MED12L: variants seen among roughly 807,000 people sequenced by gnomAD.
MED12L encodes mediator of RNA polymerase II transcription subunit 12-like protein.
In MED12L, 60 loss-of-function variants were observed where a neutral mutation model predicts 281.3. The observed-to-expected ratio is 0.21, with a 90% CI of 0.17 to 0.26. The LOEUF (loss-of-function observed/expected upper bound fraction) is 0.26. Ranked by LOEUF, MED12L falls within the 10% of genes least tolerant of loss-of-function variation. MED12L has a pLI of 1.00. For synonymous variants in MED12L, 974 were observed against 987.2 expected (o/e 0.99, Z 0.25); for missense variants, 2,146 against 2,680.9 (o/e 0.80, Z 4.41).
intron 5 of MED12L, among the ~76,000 whole-genome samples, chr3:151,144,081 C>G (rs976962453): frequency 6.6e-6 from 1 of 152,148 alleles, no homozygotes; most frequent in Non-Finnish European, 1.5e-5. Flanking sequence ...GTTGGTGGCA[C>G]ATGTTCAGTG....
intron 5 of MED12L, among the ~76,000 whole-genome samples, chr3:151,142,969 C>T (rs754229336): frequency 3.9e-5 from 6 of 152,048 alleles, no homozygotes; most frequent in Non-Finnish European, 7.4e-5. Context: ...TAGGGTATGC[C>T]GGGTAGAAAA....
chr3:151,328,772 A>G, intron 16 of MED12L: 2 of 1,614,024 alleles, frequency 1.2e-6, no homozygotes, highest in Non-Finnish European at 8.5e-7. Flanking sequence ...GAAAGGAAGC[A>G]TGAGTGTCAT....
chr3:151,293,868 G>A (rs530350963), intron 16 of MED12L, among the ~76,000 whole-genome samples: 1 of 152,204 alleles, frequency 6.6e-6, no homozygotes, highest in South Asian at 2.1e-4. Context: ...CTGCAAAAGT[G>A]GCTTCAGAGC....
intron 41 of MED12L, among the ~76,000 whole-genome samples, chr3:151,412,523 C>A (rs896451295): frequency 6.6e-6 from 1 of 152,136 alleles, no homozygotes; most frequent in Non-Finnish European, 1.5e-5. Context: ...GGCTGCATGA[C>A]GACTCCAAGT....
intron 31 of MED12L, among the ~76,000 whole-genome samples, chr3:151,379,192 A>G (rs112578093): frequency 2.6e-5 from 4 of 152,312 alleles, no homozygotes; most frequent in African/African-American, 9.6e-5. Flanking sequence ...GCATAATTCT[A>G]ATTTTCAAAT....
At chr3:151,351,271 G>C (rs1290545797) in intron 17 of MED12L, among the ~76,000 whole-genome samples, 1 of 152,180 alleles carries the variant, frequency 6.6e-6, no homozygotes, top group East Asian at 1.9e-4. Flanking sequence ...TGCACATGCA[G>C]AAACATGGTA....
At chr3:151,244,946 G>A (rs1312111190) in intron 16 of MED12L, among the ~76,000 whole-genome samples, 3 of 152,160 alleles carry the variant, frequency 2.0e-5, no homozygotes, top group Non-Finnish European at 4.4e-5. Context: ...TATCACCACT[G>A]ATCCCACAGA....
intron 16 of MED12L, among the ~76,000 whole-genome samples, chr3:151,289,927 C>T (rs1363777837): frequency 6.6e-6 from 1 of 151,250 alleles, no homozygotes; most frequent in East Asian, 1.9e-4. Context: ...GTCACGTGGG[C>T]TGGGGTGCAG....
chr3:151,294,116 A>G (rs1239787405), intron 16 of MED12L: 1 of 1,092,506 alleles, frequency 9.2e-7, no homozygotes, highest in Admixed American at 2.3e-5. Context: ...GATAATGAAA[A>G]GAAACATTTA....
At chr3:151,430,910 A>G (rs1351376947) in intron 44 of MED12L, among the ~76,000 whole-genome samples, 3 of 151,022 alleles carry the variant, frequency 2.0e-5, no homozygotes, top group Non-Finnish European at 4.4e-5. Flanking sequence ...CTCCCTAGTA[A>G]TCTTGCCTGT....
At chr3:151,146,702 G>C (rs921989106) in intron 5 of MED12L, among the ~76,000 whole-genome samples, 13 of 152,184 alleles carry the variant, frequency 8.5e-5, no homozygotes, top group Non-Finnish European at 1.8e-4. Flanking sequence ...TTTGTCCCCA[G>C]TGTTCTACAG....
intron 16 of MED12L, chr3:151,212,046 A>G (rs1020161830): frequency 1.3e-5 from 2 of 152,188 alleles, no homozygotes; most frequent in Non-Finnish European, 2.9e-5. Flanking sequence ...ATATAAAGAA[A>G]CTACATATGT....
chr3:151,183,610 T>C (rs926045381), intron 11 of MED12L, among the ~76,000 whole-genome samples: 1 of 152,236 alleles, frequency 6.6e-6, no homozygotes, highest in East Asian at 1.9e-4. Context: ...GACTTCTCTT[T>C]TGTTGTAGTT....
chr3:151,266,421 G>C (rs1307584250), intron 16 of MED12L, among the ~76,000 whole-genome samples: 1 of 152,174 alleles, frequency 6.6e-6, no homozygotes, highest in Non-Finnish European at 1.5e-5. Context: ...GTTTAGTGTT[G>C]AGCGAACGGA....
chr3:151,332,422 TAACTAAAAGTGGTA>T (rs1357715294), intron 16 of MED12L, among the ~76,000 whole-genome samples: 1 of 152,164 alleles, frequency 6.6e-6, no homozygotes, highest in Non-Finnish European at 1.5e-5. Context: ...CATACAAGAG[TAACTAAAAGTGGTA>T]AACTAAAAGT....
chr3:151,427,191 G>GT (rs1382485679), intron 43 of MED12L, among the ~76,000 whole-genome samples: 1 of 150,580 alleles, frequency 6.6e-6, no homozygotes, highest in Non-Finnish European at 1.5e-5. Context: ...AATAGCACAT[G>GT]TTATGTAGGC....
chr3:151,384,111 C>G lies in MED12L; in HGVS notation c.4819C>G (p.Leu1607Val), dbSNP rs751380586. 7.4e-6 allele frequency: 12 copies of G among 1,613,702 alleles called. No homozygotes were observed. Among genetic ancestry groups the G allele is most frequent in the East Asian group, 4.5e-5 (2 of 44,850 alleles). Residue 1607 changes from leucine to valine, a missense_variant, in exon 35 of 45, where the codon CTG (leucine) becomes GTG (valine). This residue lies in a region of MED12L where 212 missense variants were observed against 340.8 expected (regional missense o/e 0.62). Transcript: ENST00000687756. ...ATTATTCACAACAGTTCTTGACATG[C>G]TGGGTGTTTTAATCAATGGAACGTT... is the stretch of plus-strand genomic sequence containing the variant. Reference protein sequence around the residue: ...NELFTTVLDMLGVLINGTLAS... With the variant: ...NELFTTVLDMVGVLINGTLAS...
intron 16 of MED12L, among the ~76,000 whole-genome samples, chr3:151,210,219 A>T (rs1343276199): frequency 6.6e-6 from 1 of 152,234 alleles, no homozygotes; most frequent in East Asian, 1.9e-4. Context: ...CAGTGGAATC[A>T]GACATGCTGA....
intron 16 of MED12L, among the ~76,000 whole-genome samples, chr3:151,291,104 T>G (rs905293010): frequency 6.6e-6 from 1 of 152,018 alleles, no homozygotes; most frequent in Non-Finnish European, 1.5e-5. Context: ...GTACAGTCTT[T>G]ATAAGATTTA....
Sources: allele counts gnomAD v4.1 joint callset (sites outside exome capture counted in the v4.1 genomes callset), GRCh38; gene constraint gnomAD v4.1.1; regional missense constraint gnomAD v4.1.1; transcripts MANE v1.5; gene names NCBI Gene and HGNC (gene_info 2026-07-23, HGNC 2026-07-21).